SLC37A3: variants seen among roughly 807,000 people sequenced by gnomAD.
The protein encoded by SLC37A3 is sugar phosphate exchanger 3.
A neutral mutation model predicts 67.1 loss-of-function variants in SLC37A3; 51 were observed. The observed-to-expected ratio is 0.76, with a 90% confidence interval of 0.61 to 0.96. The LOEUF is 0.96. Among genes scored for constraint, SLC37A3 ranks in the 40% least tolerant of loss-of-function variants. The pLI is 0.00. For missense variants in SLC37A3, 508 were observed against 603.0 expected, an observed-to-expected ratio of 0.84 and a Z score of 1.65; for synonymous variants, 214 against 231.4, an observed-to-expected ratio of 0.92 and a Z score of 0.68.
In SLC37A3 at chr7:140,345,239, T is replaced by C. The variant is rs1052920327; in HGVS notation, c.1151A>G (p.Asn384Ser). The change falls in exon 12 of 15, where the codon AAT (asparagine) becomes AGT (serine). Residue 384 changes from asparagine (N) to serine (S), a missense_variant. Transcript: ENST00000326232. ...ACCTGTAACAGTCATCAGAAGGGCA[T>C]TGATGGACTTATCATTTGGAGAACC... ...YSRSPNDKSI[N>S]ALLMTVTGFF... 1.3e-5 allele frequency: 21 copies of C among 1,614,092 alleles called. No individual in the cohort carries two copies. The highest frequency in any genetic ancestry group is 1.7e-5 in the Non-Finnish European group (20 of 1,179,970).
Position 140,351,283 on chromosome 7 carries a change from C to T in SLC37A3, c.872G>A (p.Gly291Glu), listed in dbSNP as rs1211500261. 1 of 1,613,984 alleles carries T rather than the reference C, an allele frequency of 6.2e-7. No individual in the cohort carries two copies. Among genetic ancestry groups the T allele is most frequent in the East Asian group, 2.2e-5 (1 of 44,890 alleles). The change falls in exon 9 of 15, where the codon GGA becomes GAA. Residue 291 changes from glycine to glutamate, a missense_variant. Transcript: ENST00000326232. ...ISFYQACCLP[G>E]VIPYSLAYAC... is the part of the protein sequence containing the mutation. Reference sequence around the variant, plus strand: ...GTAAGCGGTCCTTACCGGTATGACTCCAGGAAGGCAACATGCCTGGTAGAA... The same window carrying T: ...GTAAGCGGTCCTTACCGGTATGACTTCAGGAAGGCAACATGCCTGGTAGAA...
At chr7:140,364,524 A>G (rs770264006) in intron 4 of SLC37A3, 33 bp from the exon 5 acceptor site, 12 of 1,593,124 alleles carry the variant, frequency 7.5e-6, no homozygotes, top group Non-Finnish European at 9.5e-6. Flanking sequence ...TACAGCTCTA[A>G]ATAATAACAC....
At chr7:140,368,131 C>A (rs1197880791) in intron 4 of SLC37A3, among the ~76,000 whole-genome samples, 1 of 151,946 alleles carries the variant, frequency 6.6e-6, no homozygotes, top group East Asian at 1.9e-4. Context: ...TCTTACCACT[C>A]CACCCCCGCT....
At chr7:140,348,436 T>A in intron 10 of SLC37A3, 190 bp downstream of exon 10, 1 of 610,758 alleles carries the variant, frequency 1.6e-6, no homozygotes, top group Non-Finnish European at 2.6e-6. Context: ...TCTATGGACC[T>A]CTTGTTTTTT....
In SLC37A3 at chr7:140,355,661, T is replaced by G. The variant is rs766098341; in HGVS notation, c.618+7A>C. 1.6e-5 allele frequency: 26 copies of G among 1,611,744 alleles called. No individual in the cohort carries two copies. Among genetic ancestry groups the G allele is most frequent in the Non-Finnish European group, 2.2e-5 (26 of 1,178,350 alleles). On this transcript the variant is annotated splice_region_variant and intron_variant, in intron 7 of 14. Coordinates refer to ENST00000326232, the MANE Select transcript of SLC37A3 (RefSeq NM_207113.3). ...AGAGAGCACCAGAGCTAGAAAACAA[T>G]ACCTACCTCATAACCATACTGAAGA...
intron 7 of SLC37A3, among the ~76,000 whole-genome samples, chr7:140,352,974 C>A (rs976141610): frequency 2.0e-5 from 3 of 151,994 alleles, no homozygotes; most frequent in Admixed American, 1.3e-4. Context: ...TTCATCTGAA[C>A]CAACTATACA....
intron 7 of SLC37A3, among the ~76,000 whole-genome samples, chr7:140,354,323 G>A (rs1488698172): frequency 6.6e-6 from 1 of 152,176 alleles, no homozygotes; most frequent in African/African-American, 2.4e-5. Context: ...ATGAGTTAGT[G>A]ACTCTGTTAG....
intron 5 of SLC37A3, among the ~76,000 whole-genome samples, chr7:140,361,524 C>T (rs1369844903): frequency 3.0e-5 from 3 of 100,482 alleles, no homozygotes; most frequent in African/African-American, 8.5e-5. Context: ...TCCCCCTCCC[C>T]CTCCCCCTCC....
Position 140,343,415 on chromosome 7 carries a change from G to A in SLC37A3, c.1323C>T (p.Gly441=). 1.2e-6 allele frequency: 2 copies of A among 1,613,336 alleles called. No individual in the cohort carries two copies. The highest frequency in any genetic ancestry group is 4.5e-5 in the East Asian group (2 of 44,856). ...AGCCCCTCTCCTGTTCTCTCACCTG[G>A]CCCACTGCAGCTCCAATGCTCCCCG... is the stretch of plus-strand genomic sequence containing the variant. ...DGSGSIGAAV[G]QYLVSLIRDK... The change falls in exon 13 of 15, where the codon GGC becomes GGT. Residue 441 remains glycine, a synonymous_variant. Transcript: ENST00000326232.
chr7:140,343,148 T>G (rs1371150824), intron 13 of SLC37A3, among the ~76,000 whole-genome samples: 1 of 152,180 alleles, frequency 6.6e-6, no homozygotes, highest in Admixed American at 6.5e-5. Flanking sequence ...GGCAGAAGGA[T>G]CTGTCTGTCT....
At chr7:140,390,512 C>T (rs1462271078) in intron 1 of SLC37A3, among the ~76,000 whole-genome samples, 2 of 152,068 alleles carry the variant, frequency 1.3e-5, no homozygotes, top group East Asian at 1.9e-4. Flanking sequence ...GTTTCTGGGC[C>T]GCTCTCTTCT....
intron 5 of SLC37A3, among the ~76,000 whole-genome samples, chr7:140,359,110 G>T (rs1225975794): frequency 6.6e-6 from 1 of 152,134 alleles, no homozygotes; most frequent in Non-Finnish European, 1.5e-5. Context: ...TTGGGAGGCC[G>T]AGGAGGGCAG....
rs2129823136 is a variant in SLC37A3, at chr7:140,382,585, C to G, written c.-59G>C. On this transcript the variant is annotated 5_prime_UTR_variant, in exon 2 of 15. The change abolishes an upstream ATG in the 5' untranslated region. Transcript: ENST00000326232. ...TAAGGTTTGGATGAGTGATTTACATCATTTCTTCCTTCTGGAAAGACAAAA... is the reference window on the plus strand; with the variant it reads ...TAAGGTTTGGATGAGTGATTTACATGATTTCTTCCTTCTGGAAAGACAAAA... 1.4e-6 allele frequency: 2 copies of G among 1,435,004 alleles called. No homozygotes were observed. The highest frequency in any genetic ancestry group is 2.0e-6 in the Non-Finnish European group (2 of 1,022,016). 88.9% of individuals were successfully genotyped at this position (1,435,004 alleles called of 1,614,324 possible). A position where few individuals can be genotyped will look rare whatever the true frequency, so the allele number is the denominator to read the frequency against.
chr7:140,345,956 C>T lies in SLC37A3; in HGVS notation c.1039G>A (p.Gly347Ser). The change falls in exon 11 of 15, where the codon GGC (glycine) becomes AGC (serine). Residue 347 changes from glycine to serine, a missense_variant. Coordinates refer to ENST00000326232, the MANE Select transcript of SLC37A3 (RefSeq NM_207113.3). ...VGGIIGGTLQ[G>S]FISDVLQKRA... The stretch of plus-strand genomic sequence containing the variant: ...TTCTGTAGTACATCAGAGATGAAGC[C>T]TTGCAAAGTTCCACCTTCAAGCAGA... 1 of 1,613,700 alleles carries T rather than the reference C, an allele frequency of 6.2e-7. No individual in the cohort carries two copies. The highest frequency in any genetic ancestry group is 8.5e-7 in the Non-Finnish European group (1 of 1,179,792).
At position 140,345,238 on chromosome 7, in the gene SLC37A3, A is replaced by G. The variant is rs1325646475; in HGVS notation, c.1152T>C (p.Asn384=). The G allele has an allele frequency of 6.2e-7, 1 of 1,614,014 alleles. No individual in the cohort carries two copies. Among genetic ancestry groups the G allele is most frequent in the African/African-American group, 1.3e-5 (1 of 74,928 alleles). Residue 384 remains asparagine, a synonymous_variant, in exon 12 of 15, where the codon AAT becomes AAC. Transcript: ENST00000326232. ...TACCTGTAACAGTCATCAGAAGGGC[A>G]TTGATGGACTTATCATTTGGAGAAC... ...YSRSPNDKSI[N]ALLMTVTGFF... is the part of the protein sequence containing the mutation.
At chr7:140,391,420 C>A (rs980751615) in intron 1 of SLC37A3, among the ~76,000 whole-genome samples, 5 of 152,088 alleles carry the variant, frequency 3.3e-5, no homozygotes, top group Non-Finnish European at 7.4e-5. Context: ...CCGGTTGTGG[C>A]GGCGTGTGCC....
At chr7:140,388,790 C>T (rs1798610768) in intron 1 of SLC37A3, among the ~76,000 whole-genome samples, 1 of 151,636 alleles carries the variant, frequency 6.6e-6, no homozygotes, top group African/African-American at 2.4e-5. Flanking sequence ...GCCTGGGCAA[C>T]AAGAGCAAGA....
chr7:140,344,870 G>A (rs1441591199), intron 12 of SLC37A3, among the ~76,000 whole-genome samples: 1 of 152,206 alleles, frequency 6.6e-6, no homozygotes, highest in African/African-American at 2.4e-5. Context: ...CAACACAGGA[G>A]GAGACACGAG....
chr7:140,377,102 C>G (rs1403238335), intron 3 of SLC37A3, among the ~76,000 whole-genome samples: 2 of 152,054 alleles, frequency 1.3e-5, no homozygotes, highest in Non-Finnish European at 2.9e-5. Flanking sequence ...CATCACCATA[C>G]CCAGCTAATT....
Sources: allele counts gnomAD v4.1 joint callset (sites outside exome capture counted in the v4.1 genomes callset), GRCh38; gene constraint gnomAD v4.1.1; transcripts MANE v1.5; gene names NCBI Gene and HGNC (gene_info 2026-07-23, HGNC 2026-07-21).